KCNMB3: variants seen among roughly 807,000 people sequenced by gnomAD.
KCNMB3 encodes calcium-activated potassium channel subunit beta-3.
In KCNMB3, 18 loss-of-function variants were observed where a neutral mutation model predicts 11.9. That is an observed-to-expected ratio of 1.51 (90% CI 1.04 to 2.23). The LOEUF (loss-of-function observed/expected upper bound fraction) is 2.23. KCNMB3 is among the 30% of genes most tolerant of loss of function. KCNMB3 has a pLI of 0.00. For synonymous variants in KCNMB3, 78 were observed against 119.2 expected (o/e 0.65, Z 2.25); for missense variants, 247 against 329.4 (o/e 0.75, Z 1.94).
chr3:179,266,592 G>A lies in KCNMB3; in HGVS notation c.62+57C>T. 3.1e-6 allele frequency: 5 copies of A among 1,600,054 alleles called. No individual in the cohort carries two copies. In the Admixed American group the frequency reaches 8.4e-5, roughly 27 times the overall value. ...CAAGCTCGAGATGTCCCCTCTTCTTGCAACTGCTTGTTCAGCCAGATTCCC... is the reference window on the plus strand; with the variant it reads ...CAAGCTCGAGATGTCCCCTCTTCTTACAACTGCTTGTTCAGCCAGATTCCC... On this transcript the variant is annotated intron_variant, in intron 1 of 3. Transcript: ENST00000349697.
chr3:179,253,651 C>T (rs1373404948), upstream of KCNMB3, among the ~76,000 whole-genome samples: 1 of 151,946 alleles, frequency 6.6e-6, no homozygotes, highest in Admixed American at 6.6e-5. Context: ...CCTAAAAATA[C>T]AAAATTTAGC....
chr3:179,266,762 C>A, exon 1 of KCNMB3: 3 of 1,606,306 alleles, frequency 1.9e-6, no homozygotes, highest in South Asian at 1.1e-5. Context: ...CATGCCCCTG[C>A]GGGCGCAAGA....
At chr3:179,243,727 C>T (rs1020185195) in intron 2 of KCNMB3, among the ~76,000 whole-genome samples, 2 of 152,196 alleles carry the variant, frequency 1.3e-5, no homozygotes, top group Non-Finnish European at 2.9e-5. Flanking sequence ...CACGTTGAGG[C>T]TTTTGCTCTA....
At chr3:179,266,916 G>C in exon 1 of KCNMB3, 4 of 1,413,012 alleles carry the variant, frequency 2.8e-6, no homozygotes. Flanking sequence ...GCAGACTCCT[G>C]GCAAGGCGGA....
intron 1 of KCNMB3, among the ~76,000 whole-genome samples, chr3:179,264,377 A>T (rs1007634040): frequency 6.6e-6 from 1 of 152,036 alleles, no homozygotes; most frequent in Non-Finnish European, 1.5e-5. Flanking sequence ...CTTTCATCCA[A>T]GGACCTCAAA....
intron 1 of KCNMB3, among the ~76,000 whole-genome samples, chr3:179,248,427 CCT>C (rs1436180558): frequency 1.3e-5 from 2 of 152,142 alleles, no homozygotes; most frequent in African/African-American, 4.8e-5. Context: ...ACTTTTGACT[CCT>C]CAAAAATTTA....
rs188017683 is a variant in KCNMB3, at chr3:179,245,517, G to C, written c.249-824C>G. Among the ~76,000 whole-genome samples, 31 of 149,862 alleles carry C rather than the reference G, an allele frequency of 2.1e-4. No homozygotes were observed. The East Asian group carries it at 2.7e-3, about 13-fold the overall frequency. On this transcript the variant is annotated intron_variant, in intron 1 of 2. Transcript: ENST00000392685. ...TGCTGTACTGAATTAATTTTTTTGGGGGGGGGGATGGAGTTTCGCTCTTGT... is the reference window on the plus strand; with the variant it reads ...TGCTGTACTGAATTAATTTTTTTGGCGGGGGGGATGGAGTTTCGCTCTTGT...
chr3:179,242,622 T>A, downstream of KCNMB3: 1 of 301,852 alleles, frequency 3.3e-6, no homozygotes, highest in Non-Finnish European at 5.9e-6. Context: ...AGAGCTGAAA[T>A]TAGGCAAAGA....
intron 2 of KCNMB3, 34 bp downstream of exon 2, chr3:179,244,461 T>C: frequency 2.6e-6 from 4 of 1,566,596 alleles, no homozygotes; most frequent in Non-Finnish European, 3.5e-6. Context: ...AGGGAAGGGT[T>C]GCTGTCATAA....
intron 1 of KCNMB3, chr3:179,259,081 T>C: frequency 6.2e-7 from 1 of 1,605,260 alleles, no homozygotes; most frequent in Non-Finnish European, 8.5e-7. Flanking sequence ...GTATCTTCTC[T>C]GCTTTCTGGA....
In KCNMB3 at chr3:179,242,902, T is replaced by G. The variant is rs758667267; in HGVS notation, c.*2A>C. 1.9e-6 allele frequency: 3 copies of G among 1,586,742 alleles called. No individual in the cohort carries two copies. Among genetic ancestry groups the G allele is most frequent in the Non-Finnish European group, 2.6e-6 (3 of 1,167,062 alleles). ...GGCCAGCACTTTAATTTGGCCACCG[T>G]CTTAAGATTTCTCTGCTCTTCCTTT... On this transcript the variant is annotated 3_prime_UTR_variant, in exon 3 of 3. Transcript: ENST00000392685.
intron 1 of KCNMB3, among the ~76,000 whole-genome samples, chr3:179,262,148 A>C (rs948179037): frequency 6.6e-6 from 1 of 152,250 alleles, no homozygotes; most frequent in Non-Finnish European, 1.5e-5. Flanking sequence ...AGTAATTTAG[A>C]TAGCTTGACC....
upstream of KCNMB3, among the ~76,000 whole-genome samples, chr3:179,253,382 TA>T (rs1157212679): frequency 1.3e-5 from 2 of 152,254 alleles, 1 homozygote; most frequent in Non-Finnish European, 2.9e-5. Context: ...CAAGACTTTT[TA>T]TTTATAATTT....
chr3:179,242,913 C>A lies in KCNMB3; in HGVS notation c.819G>T (p.Glu273Asp), dbSNP rs1401523665. 6.3e-7 allele frequency: 1 copy of A among 1,594,690 alleles called. No homozygotes were observed. Residue 273 changes from glutamate to aspartate, a missense_variant, in exon 3 of 3, where the codon GAG becomes GAT. By Grantham distance (45) the Glu-to-Asp change is conservative. This residue lies in a region of KCNMB3 where 87 missense variants were observed against 171.9 expected (regional missense o/e 0.51). Coordinates refer to ENST00000392685, the MANE Select transcript of KCNMB3 (RefSeq NM_171830.2). ...TAATTTGGCCACCGTCTTAAGATTT[C>A]TCTGCTCTTCCTTTGCTCCTCCTCA... ...CIMRRSKGRAEKS is the reference protein window; with the variant it reads ...CIMRRSKGRADKS
rs565326636 is a variant in KCNMB3 at position 179,245,099 on chromosome 3, G to A, written c.249-406C>T. The stretch of plus-strand genomic sequence containing the variant: ...AATCTTTAATAGTATTTAAGATGCA[G>A]GTATTTGGAGAACCACAGTGTAAAC... On this transcript the variant is annotated intron_variant, in intron 1 of 2. Transcript: ENST00000392685. Among the ~76,000 whole-genome samples the A allele has an allele frequency of 2.0e-4, 31 of 152,302 alleles. No individual in the cohort carries two copies. In the South Asian group the frequency reaches 5.6e-3, roughly 27 times the overall value.
At chr3:179,257,282 T>A in intron 1 of KCNMB3, among the ~76,000 whole-genome samples, 1 of 152,268 alleles carries the variant, frequency 6.6e-6, no homozygotes, top group East Asian at 1.9e-4. Context: ...TGTTTTTATT[T>A]CAATTACATA....
chr3:179,266,648 C>T lies in KCNMB3; in HGVS notation c.62+1G>A, dbSNP rs763868553. On this transcript the variant is annotated splice_donor_variant, in intron 1 of 3. Coordinates refer to the KCNMB3 transcript ENST00000349697. LOFTEE classifies it high-confidence loss of function. ...CGGCAGAGCTTCCGGAAGTGACTTA[C>T]CTCCCCTGGCGCCTCCGGCTGCCCT... The T allele has an allele frequency of 5.6e-6, 9 of 1,613,980 alleles. No homozygotes were observed. The highest frequency in any genetic ancestry group is 2.2e-5 in the South Asian group (2 of 91,078).
At chr3:179,264,439 C>A (rs1203032667) in intron 1 of KCNMB3, among the ~76,000 whole-genome samples, 1 of 152,150 alleles carries the variant, frequency 6.6e-6, no homozygotes, top group Non-Finnish European at 1.5e-5. Flanking sequence ...GGATAAAAAG[C>A]ATATTGATTC....
At chr3:179,245,037 G>A (rs1725589534) in intron 1 of KCNMB3, among the ~76,000 whole-genome samples, 1 of 152,198 alleles carries the variant, frequency 6.6e-6, no homozygotes, top group Non-Finnish European at 1.5e-5. Flanking sequence ...CTTCATTCCA[G>A]AAATTCTGAT....
Sources: gnomAD v4.1 joint callset for allele counts (sites outside exome capture counted in the v4.1 genomes callset) on GRCh38, gnomAD v4.1.1 for gene constraint, gnomAD v4.1.1 regional missense constraint, MANE v1.5 for transcripts, NCBI Gene and HGNC (gene_info 2026-07-23, HGNC 2026-07-21) for gene names.